The following TNS3 variants were observed in gnomAD, a reference collection of about 807,000 sequenced individuals.
TNS3 encodes tensin 3, also known as tensin-3.
In TNS3, 45 loss-of-function variants were observed where a neutral mutation model predicts 140.9. The observed-to-expected ratio is 0.32, with a 90% CI of 0.25 to 0.41. TNS3 has a LOEUF of 0.41. Ranked by LOEUF, TNS3 falls within the 10% of genes least tolerant of loss-of-function variation. The pLI is 1.00. For missense variants in TNS3, 1,716 were observed against 1,906.7 expected (o/e 0.90, Z 1.86); for synonymous variants, 815 against 788.4 (o/e 1.03, Z -0.56).
At chr7:47,478,737 A>G (rs1349259631) in intron 4 of TNS3, among the ~76,000 whole-genome samples, 1 of 152,102 alleles carries the variant, frequency 6.6e-6, no homozygotes, top group African/African-American at 2.4e-5. Flanking sequence ...TGTATGGCAC[A>G]TGTATGTATT....
chr7:47,528,524 G>A lies in TNS3; in HGVS notation c.-153+512C>T, dbSNP rs1460865437. On this transcript the variant is annotated intron_variant, in intron 2 of 30. Coordinates refer to ENST00000311160, the MANE Select transcript of TNS3 (RefSeq NM_022748.12). ...CCCCACCACTCCCACATTCATTACA[G>A]TCACACCTCTCTTACTAGATTTATT... Among the ~76,000 whole-genome samples, 4 of 152,274 alleles carry A rather than the reference G, an allele frequency of 2.6e-5. No homozygotes were observed. In the East Asian group the frequency reaches 7.7e-4, roughly 29 times the overall value.
At chr7:47,449,688 A>G (rs1402913213) in intron 4 of TNS3, among the ~76,000 whole-genome samples, 3 of 152,066 alleles carry the variant, frequency 2.0e-5, no homozygotes, top group South Asian at 2.1e-4. Context: ...GCTCACTGCA[A>G]CCTCCATCTG....
At chr7:47,450,404 A>G (rs961564689) in intron 4 of TNS3, among the ~76,000 whole-genome samples, 6 of 152,258 alleles carry the variant, frequency 3.9e-5, no homozygotes, top group Non-Finnish European at 8.8e-5. Flanking sequence ...AAAAGCTAAC[A>G]GTGTGACTTG....
At chr7:47,471,671 T>C (rs1796959174) in intron 4 of TNS3, among the ~76,000 whole-genome samples, 1 of 152,148 alleles carries the variant, frequency 6.6e-6, no homozygotes, top group Admixed American at 6.5e-5. Flanking sequence ...ATTCTCAAAG[T>C]CTGCTCCATC....
chr7:47,346,379 G>A (rs1177716719), intron 17 of TNS3, 23 bp from the exon 18 acceptor site: 2 of 1,611,970 alleles, frequency 1.2e-6, no homozygotes, highest in Non-Finnish European at 8.5e-7. Context: ...AGACAAGCAG[G>A]CTGCAGGGCG....
At chr7:47,520,540 A>T (rs934040926) in intron 2 of TNS3, among the ~76,000 whole-genome samples, 4 of 152,230 alleles carry the variant, frequency 2.6e-5, no homozygotes, top group African/African-American at 9.6e-5. Context: ...GGAGGGGTCC[A>T]GGCCTTCTTC....
At chr7:47,435,234 A>G in intron 8 of TNS3, 48 bp downstream of exon 8, 1 of 1,607,760 alleles carries the variant, frequency 6.2e-7, no homozygotes. Context: ...TCAACTCCAA[A>G]GGCTGAAGCC....
chr7:47,449,200 A>G (rs1045725356), intron 4 of TNS3, among the ~76,000 whole-genome samples: 1 of 152,344 alleles, frequency 6.6e-6, no homozygotes, highest in Non-Finnish European at 1.5e-5. Context: ...GGTGGAAGGC[A>G]GTGTGAAGAG....
At position 47,368,863 on chromosome 7, in the gene TNS3, T is replaced by C; in HGVS notation, c.1783A>G (p.Met595Val). The C allele has an allele frequency of 6.2e-7, 1 of 1,613,728 alleles. No individual in the cohort carries two copies. The highest frequency in any genetic ancestry group is 1.7e-5 in the Admixed American group (1 of 60,006). ...AAGCTATACTGGTGAGCTACAACCATCTGCTGCTGGCGCACCCAGGTCTGT... is the reference window on the plus strand; with the variant it reads ...AAGCTATACTGGTGAGCTACAACCACCTGCTGCTGGCGCACCCAGGTCTGT... ...STQTWVRQQQ[M>V]VVAHQYSFAP... Residue 595 changes from methionine to valine, a missense_variant, in exon 17 of 31, where the codon ATG becomes GTG. Physicochemically the swap from Met to Val is conservative, Grantham distance 21 (BLOSUM62 1). Coordinates refer to ENST00000311160, the MANE Select transcript of TNS3 (RefSeq NM_022748.12).
intron 3 of TNS3, among the ~76,000 whole-genome samples, chr7:47,501,291 A>C (rs1343270111): frequency 6.6e-6 from 1 of 152,138 alleles, no homozygotes; most frequent in Admixed American, 6.5e-5. Flanking sequence ...TTCCTAGTGA[A>C]GACCATATGA....
chr7:47,346,112 C>T, intron 18 of TNS3, 75 bp downstream of exon 18: 1 of 1,565,258 alleles, frequency 6.4e-7, no homozygotes, highest in South Asian at 1.2e-5. Flanking sequence ...TGGTCATTGC[C>T]CATTCACTCG....
At chr7:47,449,481 T>C (rs1393556172) in intron 4 of TNS3, among the ~76,000 whole-genome samples, 1 of 152,220 alleles carries the variant, frequency 6.6e-6, no homozygotes, top group African/African-American at 2.4e-5. Flanking sequence ...ATCCCAGCTT[T>C]ACCTGGTTAA....
chr7:47,330,247 C>G (rs1461545870), intron 20 of TNS3, among the ~76,000 whole-genome samples: 1 of 152,094 alleles, frequency 6.6e-6, no homozygotes, highest in Non-Finnish European at 1.5e-5. Context: ...AATCAGACAC[C>G]TGGAAGAGGA....
chr7:47,461,138 G>C (rs562730269), intron 4 of TNS3, among the ~76,000 whole-genome samples: 1 of 152,340 alleles, frequency 6.6e-6, no homozygotes, highest in Admixed American at 6.5e-5. Context: ...ACACAGGCAG[G>C]TGTAAACATA....
At chr7:47,376,152 G>A (rs770223199) in intron 16 of TNS3, among the ~76,000 whole-genome samples, 1 of 152,196 alleles carries the variant, frequency 6.6e-6, no homozygotes, top group Admixed American at 6.5e-5. Context: ...GCAATACTCA[G>A]CCCAGTCCTG....
intron 4 of TNS3, among the ~76,000 whole-genome samples, chr7:47,443,282 G>A (rs1391292599): frequency 6.6e-6 from 1 of 152,178 alleles, no homozygotes; most frequent in South Asian, 2.1e-4. Context: ...TCAATGGCTT[G>A]GAATCCAGCC....
At chr7:47,465,480 C>A (rs2151711805) in intron 4 of TNS3, among the ~76,000 whole-genome samples, 1 of 152,316 alleles carries the variant, frequency 6.6e-6, no homozygotes, top group Middle Eastern at 3.4e-3. Flanking sequence ...ACACGCGGAT[C>A]AGAAGCCCCA....
chr7:47,367,518 G>A (rs1215258944), intron 17 of TNS3, among the ~76,000 whole-genome samples: 1 of 152,192 alleles, frequency 6.6e-6, no homozygotes, highest in Non-Finnish European at 1.5e-5. Flanking sequence ...CAGGCCTCAA[G>A]GCTGCACAGA....
intron 1 of TNS3, among the ~76,000 whole-genome samples, chr7:47,580,972 C>T (rs1172511916): frequency 4.6e-5 from 7 of 152,124 alleles, no homozygotes; most frequent in African/African-American, 1.4e-4. Context: ...TGTGAATGCG[C>T]CCCAAGGAAG....
Sources: allele counts gnomAD v4.1 joint callset (sites outside exome capture counted in the v4.1 genomes callset), GRCh38; gene constraint gnomAD v4.1.1; transcripts MANE v1.5; gene names NCBI Gene and HGNC (gene_info 2026-07-23, HGNC 2026-07-21).